ALDH3B1: variants seen among roughly 807,000 people sequenced by gnomAD.
ALDH3B1 encodes aldehyde dehydrogenase 3 family member B1, also known as aldehyde dehydrogenase family 3 member B1.
Under a neutral mutation model 46.2 loss-of-function variants are expected in ALDH3B1, and 37 were observed. The observed-to-expected ratio is 0.80, with a 90% CI of 0.62 to 1.05. ALDH3B1 has a LOEUF of 1.05. ALDH3B1 is among the 50% of genes least tolerant of loss of function. The probability of loss-of-function intolerance (pLI) is 0.00; values close to 1 mark genes in which losing one functional copy is unlikely to be tolerated. For synonymous variants in ALDH3B1, 283 were observed against 281.0 expected, an observed-to-expected ratio of 1.01 and a Z score of -0.07; for missense variants, 603 against 665.5, an observed-to-expected ratio of 0.91 and a Z score of 1.03.
In ALDH3B1 at chr11:68,019,794, C is replaced by G; in HGVS notation, c.560C>G (p.Thr187Arg). Residue 187 changes from threonine to arginine, a missense_variant and splice_region_variant, in exon 6 of 10, where the codon ACA becomes AGA. Transcript: ENST00000342456. ...LEHRFDYIFFTGSPRVGKIVM... is the reference protein window; with the variant it reads ...LEHRFDYIFFRGSPRVGKIVM... ...CACAGGTTCGACTACATCTTCTTCA[C>G]AGGTGAGGCCGGGACGAGGGTCGGG... 6.2e-7 allele frequency: 1 copy of G among 1,614,032 alleles called. No individual in the cohort carries two copies. Among genetic ancestry groups the G allele is most frequent in the Non-Finnish European group, 8.5e-7 (1 of 1,179,908 alleles).
rs780683696 is a variant in ALDH3B1 at position 68,028,005 on chromosome 11, G to A, written c.*66G>A. 1 of 1,563,324 alleles carries A rather than the reference G, an allele frequency of 6.4e-7. No individual in the cohort carries two copies. The highest frequency in any genetic ancestry group is 8.6e-7 in the Non-Finnish European group (1 of 1,159,154). ...GTCGCCTGCGGCTGGTGGAGACGGG[G>A]CCTGGGCTCCCGGGCCCGAGGAGGA... On this transcript the variant is annotated 3_prime_UTR_variant, in exon 10 of 10. Transcript: ENST00000342456.
intron 1 of ALDH3B1, among the ~76,000 whole-genome samples, chr11:68,012,105 C>T (rs552840880): frequency 5.9e-5 from 9 of 152,158 alleles, no homozygotes; most frequent in African/African-American, 1.4e-4. Flanking sequence ...AATGAGAGAA[C>T]GGGCAGAGCC....
chr11:68,015,785 G>C (rs1286388161), intron 2 of ALDH3B1: 2 of 438,814 alleles, frequency 4.6e-6, no homozygotes, highest in African/African-American at 4.0e-5. Context: ...GCACAGCAAG[G>C]CCGGGCATGG....
rs756402514 is a variant in ALDH3B1 at position 68,028,070 on chromosome 11, G to A, written c.*131G>A. On this transcript the variant is annotated 3_prime_UTR_variant, in exon 10 of 10. Transcript: ENST00000342456. ...GCTCCAGGGCACCCCTCAAAGCAGC[G>A]CCTGCCTCCTCCCTCCTGGGTCTTC... 31 of 1,216,782 alleles carry A rather than the reference G, an allele frequency of 2.5e-5. No individual in the cohort carries two copies. In the South Asian group the frequency reaches 2.7e-4, roughly 10 times the overall value. 75.4% of individuals were successfully genotyped at this position (1,216,782 alleles called of 1,614,324 possible).
At position 68,021,865 on chromosome 11, in the gene ALDH3B1, T is replaced by C. The variant is rs781289989; in HGVS notation, c.943T>C (p.Tyr315His). Residue 315 changes from tyrosine to histidine, a missense_variant, in exon 7 of 10, where the codon TAC becomes CAC. Tyr to His is a moderately conservative substitution (Grantham distance 83). Coordinates refer to ENST00000342456, the MANE Select transcript of ALDH3B1 (RefSeq NM_000694.4). Reference protein sequence around the residue: ...IGGQSDESDRYIAPTVLVDVQ... With the variant: ...IGGQSDESDRHIAPTVLVDVQ... The stretch of plus-strand genomic sequence containing the variant: ...GGGCCAGAGCGATGAGAGCGATCGC[T>C]ACATCGGTGAGTCCTGCTGCCCCTA... 6 of 1,601,472 alleles carry C rather than the reference T, an allele frequency of 3.7e-6. No individual in the cohort carries two copies. The highest frequency in any genetic ancestry group is 5.1e-6 in the Non-Finnish European group (6 of 1,173,098).
In ALDH3B1 at chr11:68,028,452, G is replaced by A. The variant is rs540537847; in HGVS notation, c.*513G>A. On this transcript the variant is annotated 3_prime_UTR_variant, in exon 10 of 10. Transcript: ENST00000342456. ...AGCACTTTGGGAGGCCGAGGCAGGCGGATCACCTGAAATCAGGAGTTCAAG... is the reference window on the plus strand; with the variant it reads ...AGCACTTTGGGAGGCCGAGGCAGGCAGATCACCTGAAATCAGGAGTTCAAG... 4.5e-5 allele frequency: 11 copies of A among 246,084 alleles called. No individual in the cohort carries two copies. The highest frequency in any genetic ancestry group is 2.0e-4 in the East Asian group (2 of 9,940). The allele number at this position is 246,084 out of a possible 1,614,324, so 15.2% of individuals were successfully genotyped here. A position where few individuals can be genotyped will look rare whatever the true frequency, so the allele number is the denominator to read the frequency against.
rs1301652651 is a variant in ALDH3B1, at chr11:68,022,590, T to C, written c.950-5T>C. 5.0e-6 allele frequency: 8 copies of C among 1,613,286 alleles called. No individual in the cohort carries two copies. The African/African-American group carries it at 6.7e-5, about 13-fold the overall frequency. ...CCAGGGCTGAGCTGTCTCTGGTGCC[T>C]GCAGCCCCCACGGTGCTGGTGGATG... On this transcript the variant is annotated splice_polypyrimidine_tract_variant and splice_region_variant and intron_variant, in intron 7 of 9. Coordinates refer to ENST00000342456, the MANE Select transcript of ALDH3B1 (RefSeq NM_000694.4).
intron 1 of ALDH3B1, among the ~76,000 whole-genome samples, chr11:68,012,068 T>C (rs931986728): frequency 6.6e-6 from 1 of 152,084 alleles, no homozygotes; most frequent in African/African-American, 2.4e-5. Context: ...AGGCCCATGG[T>C]GTAGATGAGG....
At chr11:68,023,639 A>C (rs1857556886) in intron 8 of ALDH3B1, among the ~76,000 whole-genome samples, 3 of 151,844 alleles carry the variant, frequency 2.0e-5, no homozygotes, top group Non-Finnish European at 4.4e-5. Flanking sequence ...TTGTATTGGG[A>C]AATACTTTTA....
Position 68,018,774 on chromosome 11 carries a change from C to T in ALDH3B1, c.275C>T (p.Ala92Val). ...TTTCATCCCCGGCTCCCGGCCCAGGCCACGCAGCTGGACTCCGCCTTCATC... is the reference window on the plus strand; with the variant it reads ...TTTCATCCCCGGCTCCCGGCCCAGGTCACGCAGCTGGACTCCGCCTTCATC... ...MKDERVPKNLATQLDSAFIRK... is the reference protein window; with the variant it reads ...MKDERVPKNLVTQLDSAFIRK... The change falls in exon 4 of 10, where the codon GCC (alanine) becomes GTC (valine). Residue 92 changes from alanine to valine, a missense_variant and splice_region_variant. By Grantham distance (64) the Ala-to-Val change is moderately conservative. Transcript: ENST00000342456. 6.4e-7 allele frequency: 1 copy of T among 1,552,706 alleles called. No individual in the cohort carries two copies. The highest frequency in any genetic ancestry group is 2.4e-5 in the East Asian group (1 of 40,990).
At chr11:68,023,326 CAG>C (rs1434834683) in intron 8 of ALDH3B1, among the ~76,000 whole-genome samples, 1 of 127,500 alleles carries the variant, frequency 7.8e-6, no homozygotes, top group Non-Finnish European at 1.6e-5. Flanking sequence ...TTTTTTGAGA[CAG>C]AGTCTCACTC....
Position 68,015,417 on chromosome 11 carries a change from C to T in ALDH3B1, c.120C>T (p.Asn40=). The T allele has an allele frequency of 1.9e-6, 3 of 1,558,768 alleles. No individual in the cohort carries two copies. Among genetic ancestry groups the T allele is most frequent in the Non-Finnish European group, 2.6e-6 (3 of 1,151,642 alleles). ...GCCTGGGCCGCTTCCTGCAAGAAAA[C>T]AAGCAGCTTCTGCACGACGCACTGG... ...LQGLGRFLQE[N]KQLLHDALAQ... The change falls in exon 2 of 10, where the codon AAC becomes AAT. Residue 40 remains asparagine, a synonymous_variant. Coordinates refer to ENST00000342456, the MANE Select transcript of ALDH3B1 (RefSeq NM_000694.4).
chr11:68,027,759 G>A lies in ALDH3B1; in HGVS notation c.1227G>A (p.Gly409=). ...TGTGCCACTGTACAGGTGCCAGTGG[G>A]ATGGGCCGGTACCATGGCAAGTTCT... ...SLPFGGVGAS[G]MGRYHGKFSF... The change falls in exon 10 of 10, where the codon GGG becomes GGA. Residue 409 remains glycine (G), a synonymous_variant. Coordinates refer to ENST00000342456, the MANE Select transcript of ALDH3B1 (RefSeq NM_000694.4). The A allele has an allele frequency of 6.4e-7, 1 of 1,556,892 alleles. No individual in the cohort carries two copies. Among genetic ancestry groups the A allele is most frequent in the Non-Finnish European group, 8.7e-7 (1 of 1,148,980 alleles).
chr11:68,019,297 G>T, intron 5 of ALDH3B1, 42 bp downstream of exon 5: 1 of 1,566,610 alleles, frequency 6.4e-7, no homozygotes, highest in Non-Finnish European at 8.7e-7. Context: ...AACAGGCAAG[G>T]CTCAAGGGCT....
rs1221923303 is a variant in ALDH3B1, at chr11:68,029,254, A to G, written c.*1315A>G. 1.3e-5 allele frequency: 2 copies of G among 152,180 alleles called. No individual in the cohort carries two copies. Among genetic ancestry groups the G allele is most frequent in the Admixed American group, 1.3e-4 (2 of 15,278 alleles). The allele number at this position is 152,180 out of a possible 1,614,324, so 9.4% of individuals were successfully genotyped here. On this transcript the variant is annotated 3_prime_UTR_variant, in exon 10 of 10. Transcript: ENST00000342456. ...CTGTCTCTCTGGCTGATGTCACCTG[A>G]ATAAAGCCTTCTTCCCTGGCAATAC...
Position 68,018,201 on chromosome 11 carries a change from C to A in ALDH3B1, c.163-326C>A, listed in dbSNP as rs559178813. ...GTATACATGTGCACACCTGTGCACG[C>A]CCACAGCCACACGCTCCAGCAGTCT... is the stretch of plus-strand genomic sequence containing the variant. On this transcript the variant is annotated intron_variant, in intron 2 of 9. Coordinates refer to ENST00000342456, the MANE Select transcript of ALDH3B1 (RefSeq NM_000694.4). The A allele has an allele frequency of 2.2e-5, 8 of 366,612 alleles. No homozygotes were observed. In the East Asian group the frequency reaches 4.9e-4, roughly 22 times the overall value. The allele number at this position is 366,612 out of a possible 1,614,324, so 22.7% of individuals were successfully genotyped here.
At chr11:68,018,318 T>C in intron 2 of ALDH3B1, 2 of 574,526 alleles carry the variant, frequency 3.5e-6, no homozygotes, top group Non-Finnish European at 6.2e-6. Context: ...GACTGCCCCC[T>C]GCAAGGTCGG....
rs377605134 is a variant in ALDH3B1 at position 68,021,745 on chromosome 11, G to A, written c.823G>A (p.Asp275Asn). Residue 275 changes from aspartate (D) to asparagine (N), a missense_variant, in exon 7 of 10, where the codon GAC (aspartate) becomes AAC (asparagine). Coordinates refer to ENST00000342456, the MANE Select transcript of ALDH3B1 (RefSeq NM_000694.4). Reference protein sequence around the residue: ...QSTITRFYGDDPQSSPNLGRI... With the variant: ...QSTITRFYGDNPQSSPNLGRI... ...CACCATCACCCGTTTCTATGGCGACGACCCCCAGAGCTCCCCAAACCTGGG... is the reference window on the plus strand; with the variant it reads ...CACCATCACCCGTTTCTATGGCGACAACCCCCAGAGCTCCCCAAACCTGGG... 30 of 1,614,028 alleles carry A rather than the reference G, an allele frequency of 1.9e-5. No individual in the cohort carries two copies. Among genetic ancestry groups the A allele is most frequent in the African/African-American group, 1.7e-4 (13 of 74,926 alleles).
chr11:68,021,633 CT>C lies in ALDH3B1; in HGVS notation c.713del (p.Phe238SerfsTer93). 1 of 1,614,104 alleles carries C rather than the reference CT, an allele frequency of 6.2e-7. No homozygotes were observed. Among genetic ancestry groups the C allele is most frequent in the South Asian group, 1.1e-5 (1 of 91,078 alleles). On this transcript the variant is annotated frameshift_variant, in exon 7 of 10. Transcript: ENST00000342456. LOFTEE classifies it high-confidence loss of function. ...CCAACCGCGTGGCCTGGTTCCGCTA[CT>C]TCAACGCCGGCCAGACCTGCGTGGC... is the stretch of plus-strand genomic sequence containing the variant. ...VANRVAWFRY[F>X]NAGQTCVAPD...
Sources: gnomAD v4.1 joint callset for allele counts (sites outside exome capture counted in the v4.1 genomes callset) on GRCh38, gnomAD v4.1.1 for gene constraint, MANE v1.5 for transcripts, NCBI Gene and HGNC (gene_info 2026-07-23, HGNC 2026-07-21) for gene names.